Variants in DNAH8 observed in about 807,000 individuals in gnomAD.
The protein encoded by DNAH8 is dynein axonemal heavy chain 8.
DNAH8 carries 382 observed loss-of-function variants against 562.1 expected under a neutral mutation model. The observed-to-expected ratio is 0.68, with a 90% confidence interval of 0.63 to 0.74. The LOEUF (loss-of-function observed/expected upper bound fraction) is 0.74. Among genes scored for constraint, DNAH8 ranks in the 30% least tolerant of loss-of-function variants. The pLI is 0.00. For missense variants in DNAH8, 5,203 were observed against 5,620.4 expected, an observed-to-expected ratio of 0.93 and a Z score of 2.37; for synonymous variants, 1,881 against 1,919.4, an observed-to-expected ratio of 0.98 and a Z score of 0.52.
intron 11 of DNAH8, among the ~76,000 whole-genome samples, chr6:38,769,840 A>G (rs1405556911): frequency 2.0e-5 from 3 of 152,246 alleles, no homozygotes; most frequent in Non-Finnish European, 2.9e-5. Flanking sequence ...AAAGTTTAAC[A>G]TTAACAAAAA....
At chr6:38,740,548 C>A (rs191989174) in intron 7 of DNAH8, among the ~76,000 whole-genome samples, 54 of 152,206 alleles carry the variant, frequency 3.5e-4, no homozygotes, top group African/African-American at 1.3e-3. Flanking sequence ...ATGTATAGAT[C>A]TAGCAACTTT....
In DNAH8 at chr6:38,729,652, T is replaced by C. The variant is rs368188186; in HGVS notation, c.526-250T>C. ...GTTGGACTCACCTATTTAACCCCTA[T>C]ATGATTCTGTGGGGCAGGGTCAGGT... is the stretch of plus-strand genomic sequence containing the variant. On this transcript the variant is annotated intron_variant, in intron 3 of 92. Transcript: ENST00000327475. Among the ~76,000 whole-genome samples, 49 of 152,338 alleles carry C rather than the reference T, an allele frequency of 3.2e-4. 1 individual carries two copies. The East Asian group carries it at 5.6e-3, about 17-fold the overall frequency.
chr6:38,723,854 G>T (rs750944760), intron 3 of DNAH8, among the ~76,000 whole-genome samples: 3 of 151,738 alleles, frequency 2.0e-5, no homozygotes, highest in Non-Finnish European at 4.4e-5. Flanking sequence ...GTGAGATGCT[G>T]TCTAAAAAAC....
intron 12 of DNAH8, among the ~76,000 whole-genome samples, chr6:38,772,370 A>G (rs1582962570): frequency 6.6e-6 from 1 of 152,028 alleles, no homozygotes; most frequent in Non-Finnish European, 1.5e-5. Context: ...ATTTGTTATT[A>G]TCTGTCCTTT....
Position 38,938,716 on chromosome 6 carries a change from C to T in DNAH8, c.11817-82C>T, listed in dbSNP as rs558046600. On this transcript the variant is annotated intron_variant, in intron 78 of 92. Coordinates refer to ENST00000327475, the MANE Select transcript of DNAH8 (RefSeq NM_001206927.2). ...GACATAGGTTTACCGACGTACAAAC[C>T]TTCATGTGTACCCCTGAACTTGAAA... The T allele has an allele frequency of 3.1e-5, 29 of 940,876 alleles. No homozygotes were observed. In the African/African-American group the frequency reaches 4.5e-4, roughly 15 times the overall value. 58.3% of individuals were successfully genotyped at this position (940,876 alleles called of 1,614,324 possible).
At chr6:38,718,356 T>G (rs1040383252) in intron 1 of DNAH8, among the ~76,000 whole-genome samples, 2 of 151,994 alleles carry the variant, frequency 1.3e-5, no homozygotes, top group African/African-American at 4.8e-5. Flanking sequence ...TGCATACATC[T>G]TCTAACCTAA....
intron 17 of DNAH8, among the ~76,000 whole-genome samples, chr6:38,786,173 A>G (rs1769141694): frequency 6.6e-6 from 1 of 152,248 alleles, no homozygotes; most frequent in Non-Finnish European, 1.5e-5. Context: ...TAAAATAGAT[A>G]TCTGAAAATG....
chr6:38,798,413 T>C lies in DNAH8; in HGVS notation c.2902-4766T>C, dbSNP rs144688402. 4.8e-3 allele frequency among the ~76,000 whole-genome samples: 732 copies of C among 152,376 alleles called. 4 individuals are homozygous for C. The highest frequency in any genetic ancestry group is 0.024 in the Middle Eastern group (7 of 294). On this transcript the variant is annotated intron_variant, in intron 21 of 92. Coordinates refer to ENST00000327475, the MANE Select transcript of DNAH8 (RefSeq NM_001206927.2). ...TCTGTTTCTTACTGAGTTTTAAGAA[T>C]GGTCTTAGTCCTCAAGGAGTAGCGA...
chr6:38,925,488 G>T (rs116343987), intron 73 of DNAH8, among the ~76,000 whole-genome samples: 8 of 151,784 alleles, frequency 5.3e-5, no homozygotes, highest in Non-Finnish European at 8.8e-5. Context: ...GAACCACTGC[G>T]CCTGGCCCGG....
At chr6:38,815,799 T>G in intron 26 of DNAH8, 142 bp downstream of exon 26, 2 of 769,034 alleles carry the variant, frequency 2.6e-6, no homozygotes, top group Non-Finnish European at 1.9e-6. Flanking sequence ...GTGCAGGCAT[T>G]TTTTCCTGGC....
In DNAH8 at chr6:38,945,648, G is replaced by T. The variant is rs944941028; in HGVS notation, c.12129+60G>T. ...CTGCAAACCCAAACATACCTGGGCC[G>T]CTTAAACTGGGGCTTCCTGGCAGCA... is the stretch of plus-strand genomic sequence containing the variant. On this transcript the variant is annotated intron_variant, in intron 80 of 92. Transcript: ENST00000327475. 14 of 1,599,622 alleles carry T rather than the reference G, an allele frequency of 8.8e-6. No individual in the cohort carries two copies. The African/African-American group carries it at 1.6e-4, about 18-fold the overall frequency.
intron 54 of DNAH8, 111 bp from the exon 55 acceptor site, chr6:38,883,211 T>C (rs931680801): frequency 9.5e-6 from 13 of 1,363,286 alleles, no homozygotes; most frequent in Non-Finnish European, 1.3e-5. Context: ...TTCTAAAAAG[T>C]TATTAAAAAT....
intron 62 of DNAH8, among the ~76,000 whole-genome samples, chr6:38,903,520 G>A (rs1260208424): frequency 6.6e-6 from 1 of 151,908 alleles, no homozygotes; most frequent in Non-Finnish European, 1.5e-5. Context: ...CAACATTGGT[G>A]GTTACATTTC....
intron 8 of DNAH8, among the ~76,000 whole-genome samples, chr6:38,748,491 A>G (rs146974199): frequency 2.6e-5 from 4 of 152,210 alleles, no homozygotes; most frequent in African/African-American, 9.6e-5. Context: ...TGTTCAGAGC[A>G]TATTATTTCT....
chr6:38,804,446 A>G (rs1180010628), intron 22 of DNAH8, among the ~76,000 whole-genome samples: 2 of 152,180 alleles, frequency 1.3e-5, no homozygotes, highest in East Asian at 1.9e-4. Flanking sequence ...TTAGTATTGT[A>G]AGGGGATGTG....
intron 81 of DNAH8, 36 bp downstream of exon 81, chr6:38,949,606 T>C (rs1761720060): frequency 8.4e-7 from 1 of 1,184,440 alleles, no homozygotes; most frequent in East Asian, 2.3e-5. Context: ...GAAGCATCAC[T>C]CATAATATTG....
In DNAH8 at chr6:38,734,520, G is replaced by C. The variant is rs1763928067; in HGVS notation, c.657G>C (p.Met219Ile). 1 of 1,613,698 alleles carries C rather than the reference G, an allele frequency of 6.2e-7. No homozygotes were observed. Among genetic ancestry groups the C allele is most frequent in the Admixed American group, 1.7e-5 (1 of 59,912 alleles). ...GAGCAACTAAAGGGGCAAAAATGAT[G>C]AAATTGTATATAGACAATGCAGCCC... ...IAGATKGAKM[M>I]KLYIDNAAPD... Residue 219 changes from methionine (M) to isoleucine (I), a missense_variant, in exon 5 of 93, where the codon ATG (methionine) becomes ATC (isoleucine). Coordinates refer to ENST00000327475, the MANE Select transcript of DNAH8 (RefSeq NM_001206927.2).
intron 11 of DNAH8, among the ~76,000 whole-genome samples, chr6:38,762,551 T>A (rs1766618666): frequency 1.3e-5 from 2 of 152,222 alleles, no homozygotes; most frequent in African/African-American, 2.4e-5. Flanking sequence ...ATGCTGACCT[T>A]GTCTGTGTTT....
Position 38,848,684 on chromosome 6 carries a change from G to C in DNAH8, c.5082G>C (p.Trp1694Cys). 1 of 1,611,214 alleles carries C rather than the reference G, an allele frequency of 6.2e-7. No individual in the cohort carries two copies. Among genetic ancestry groups the C allele is most frequent in the Non-Finnish European group, 8.5e-7 (1 of 1,177,982 alleles). ...NAPFKKNIQN[W>C]VYKLSTSSDI... The stretch of plus-strand genomic sequence containing the variant: ...CATTTAAAAAAAATATCCAGAATTG[G>C]GTGTATAAATTGTCCACTTCCTCAG... The change falls in exon 37 of 93, where the codon TGG becomes TGC. Residue 1694 changes from tryptophan (W) to cysteine (C), a missense_variant. Around this residue, in one of 6 missense-constraint regions of DNAH8, gnomAD observed 2,176 missense variants for 2,365.1 expected, o/e 0.92. Coordinates refer to ENST00000327475, the MANE Select transcript of DNAH8 (RefSeq NM_001206927.2).
Sources: allele counts gnomAD v4.1 joint callset (sites outside exome capture counted in the v4.1 genomes callset), GRCh38; gene constraint gnomAD v4.1.1; regional missense constraint gnomAD v4.1.1; transcripts MANE v1.5; gene names NCBI Gene and HGNC (gene_info 2026-07-23, HGNC 2026-07-21).